Variants in OR2C1 observed in about 807,000 individuals in gnomAD.
OR2C1 encodes olfactory receptor 2C1.
For synonymous variants in OR2C1, 209 were observed against 167.3 expected, an observed-to-expected ratio of 1.25 and a Z score of -1.92; for missense variants, 468 against 388.3, an observed-to-expected ratio of 1.21 and a Z score of -1.73.
the OR2C1 span, among the ~76,000 whole-genome samples, chr16:3,349,320 G>A: frequency 1.3e-5 from 2 of 152,020 alleles, no homozygotes; most frequent in Non-Finnish European, 2.9e-5. Context: ...CCTGTGTTCC[G>A]GCCACACTGG....
chr16:3,329,312 T>C, the OR2C1 span, among the ~76,000 whole-genome samples: 8 of 150,426 alleles, frequency 5.3e-5, no homozygotes, highest in Non-Finnish European at 8.9e-5. Context: ...ATAATTAATA[T>C]AGAAAATATC....
chr16:3,328,462 T>C, the OR2C1 span, among the ~76,000 whole-genome samples: 1 of 152,234 alleles, frequency 6.6e-6, no homozygotes, highest in Non-Finnish European at 1.5e-5. Context: ...TGTGTGCTCA[T>C]TCATTCATTC....
the OR2C1 span, among the ~76,000 whole-genome samples, chr16:3,327,041 A>C: frequency 6.6e-6 from 1 of 152,314 alleles, no homozygotes; most frequent in East Asian, 1.9e-4. Flanking sequence ...AATTCTAATA[A>C]ATACATAGAG....
At chr16:3,336,507 A>C in the OR2C1 span, among the ~76,000 whole-genome samples, 2 of 151,722 alleles carry the variant, frequency 1.3e-5, no homozygotes, top group Non-Finnish European at 2.9e-5. Flanking sequence ...GACTACAGGC[A>C]CTTGCCACCA....
the OR2C1 span, among the ~76,000 whole-genome samples, chr16:3,333,422 G>A: frequency 2.0e-5 from 3 of 151,442 alleles, no homozygotes; most frequent in East Asian, 1.9e-4. Context: ...TGCAAGCTCC[G>A]CCTCCCGGGT....
the OR2C1 span, among the ~76,000 whole-genome samples, chr16:3,333,688 T>A: frequency 6.6e-6 from 1 of 152,202 alleles, no homozygotes; most frequent in African/African-American, 2.4e-5. Flanking sequence ...TTTCCTTTGA[T>A]GTACAAAAGA....
chr16:3,335,390 C>G, the OR2C1 span, among the ~76,000 whole-genome samples: 4 of 151,500 alleles, frequency 2.6e-5, no homozygotes, highest in South Asian at 8.3e-4. Flanking sequence ...TTTGTATAAT[C>G]TTTTACTTGT....
chr16:3,347,873 C>CGCACAT, the OR2C1 span, among the ~76,000 whole-genome samples: 15 of 6,410 alleles, frequency 2.3e-3, no homozygotes, highest in Non-Finnish European at 5.0e-3. Flanking sequence ...CACACACACA[C>CGCACAT]GCACATGCAC....
chr16:3,331,988 A>G, the OR2C1 span, among the ~76,000 whole-genome samples: 3 of 151,058 alleles, frequency 2.0e-5, no homozygotes. Context: ...AAAAAACCAA[A>G]CACTGCATAT....
chr16:3,332,720 C>CATATATATATATATATAT, the OR2C1 span, among the ~76,000 whole-genome samples: 100 of 148,726 alleles, frequency 6.7e-4, 1 homozygote, highest in Middle Eastern at 3.5e-3. Context: ...TATTCTATTG[C>CATATATATATATATATAT]ATATATATAT....
At chr16:3,331,659 G>T in the OR2C1 span, among the ~76,000 whole-genome samples, 1 of 151,928 alleles carries the variant, frequency 6.6e-6, no homozygotes, top group Non-Finnish European at 1.5e-5. Context: ...TTTCCCCATT[G>T]CTTGTTTTTG....
the OR2C1 span, among the ~76,000 whole-genome samples, chr16:3,326,967 C>G: frequency 3.3e-5 from 5 of 152,148 alleles, no homozygotes; most frequent in Admixed American, 1.3e-4. Context: ...CTACGTGAAT[C>G]TATACATTCC....
the OR2C1 span, among the ~76,000 whole-genome samples, chr16:3,340,568 C>T: frequency 6.6e-6 from 1 of 152,178 alleles, no homozygotes; most frequent in Non-Finnish European, 1.5e-5. Context: ...TAAGAGTTCA[C>T]AGTTTTGGCT....
At chr16:3,349,812 G>T in the OR2C1 span, among the ~76,000 whole-genome samples, 1 of 151,818 alleles carries the variant, frequency 6.6e-6, no homozygotes, top group Non-Finnish European at 1.5e-5. Flanking sequence ...AGAGGCAGGA[G>T]AATAGCTTGA....
the OR2C1 span, among the ~76,000 whole-genome samples, chr16:3,347,281 G>C: frequency 2.0e-5 from 3 of 147,908 alleles, no homozygotes; most frequent in African/African-American, 7.5e-5. Context: ...GCCAAGGATG[G>C]TGGCTCAGGA....
chr16:3,330,044 C>T, the OR2C1 span, among the ~76,000 whole-genome samples: 10 of 151,466 alleles, frequency 6.6e-5, no homozygotes, highest in African/African-American at 1.7e-4. Flanking sequence ...TGAGCCACCG[C>T]GCCTGGCCTT....
chr16:3,323,685 A>T, the OR2C1 span: 1 of 685,514 alleles, frequency 1.5e-6, no homozygotes, highest in Middle Eastern at 2.8e-4. Flanking sequence ...TTATCTGGCA[A>T]TTCCAAGGCA....
At chr16:3,336,790 C>T in the OR2C1 span, among the ~76,000 whole-genome samples, 3 of 140,204 alleles carry the variant, frequency 2.1e-5, no homozygotes, top group Non-Finnish European at 4.6e-5. Context: ...CTCACTGCAA[C>T]CTCCGTCTCC....
chr16:3,332,532 C>G, the OR2C1 span, among the ~76,000 whole-genome samples: 4 of 152,136 alleles, frequency 2.6e-5, no homozygotes, highest in East Asian at 3.9e-4. Flanking sequence ...CCTTCCTGGC[C>G]TTTGCTAACC....
Sources: allele counts gnomAD v4.1 joint callset (sites outside exome capture counted in the v4.1 genomes callset), GRCh38; gene constraint gnomAD v4.1.1; transcripts MANE v1.5; gene names NCBI Gene and HGNC (gene_info 2026-07-23, HGNC 2026-07-21).